DLGAP1: variants seen among roughly 807,000 people sequenced by gnomAD.
DLGAP1 encodes the protein DLG associated protein 1.
Under a neutral mutation model 90.8 loss-of-function variants are expected in DLGAP1, and 11 were observed. The ratio of observed to expected loss-of-function variants is 0.12; its 90% CI spans 0.08 to 0.20. DLGAP1 has a LOEUF of 0.20. DLGAP1 is among the 10% of genes least tolerant of loss of function. DLGAP1 has a pLI of 1.00. For synonymous variants in DLGAP1, 558 were observed against 540.7 expected, an observed-to-expected ratio of 1.03 and a Z score of -0.44; for missense variants, 1,050 against 1,333.8, an observed-to-expected ratio of 0.79 and a Z score of 3.31.
At chr18:3,769,849 G>T (rs984462503) in intron 5 of DLGAP1, among the ~76,000 whole-genome samples, 1 of 109,268 alleles carries the variant, frequency 9.2e-6, no homozygotes, top group Non-Finnish European at 2.3e-5. Flanking sequence ...CACGGTGGGT[G>T]GGGGGGGAAA....
At chr18:4,025,808 A>G (rs1441207947) in intron 2 of DLGAP1, among the ~76,000 whole-genome samples, 1 of 152,204 alleles carries the variant, frequency 6.6e-6, no homozygotes, top group Non-Finnish European at 1.5e-5. Context: ...GTTTTACATG[A>G]CTGCTAAGGG....
At chr18:3,536,720 C>T (rs1451135572) in intron 9 of DLGAP1, among the ~76,000 whole-genome samples, 1 of 152,152 alleles carries the variant, frequency 6.6e-6, no homozygotes, top group Non-Finnish European at 1.5e-5. Context: ...TGATGAAAGA[C>T]ACCTTGTTCA....
chr18:3,920,089 T>C (rs1440817656), intron 3 of DLGAP1, among the ~76,000 whole-genome samples: 1 of 152,154 alleles, frequency 6.6e-6, no homozygotes, highest in Non-Finnish European at 1.5e-5. Context: ...ATGCCTGTAA[T>C]CCTAGCACTT....
chr18:4,298,637 A>G (rs1490389632), intron 1 of DLGAP1, among the ~76,000 whole-genome samples: 4 of 150,556 alleles, frequency 2.7e-5, no homozygotes, highest in East Asian at 4.0e-4. Flanking sequence ...GTGGGGGGAA[A>G]GGGGAGGGAA....
chr18:3,702,073 C>T (rs994939355), intron 7 of DLGAP1, among the ~76,000 whole-genome samples: 2 of 152,150 alleles, frequency 1.3e-5, no homozygotes, highest in Admixed American at 1.3e-4. Context: ...ACTTTTGAGA[C>T]AGAGTCTCAT....
At chr18:3,553,130 C>T (rs940553003) in intron 9 of DLGAP1, among the ~76,000 whole-genome samples, 8 of 151,992 alleles carry the variant, frequency 5.3e-5, no homozygotes, top group Admixed American at 2.0e-4. Context: ...GTTGATAATC[C>T]GGCAGAAGGA....
chr18:4,225,606 C>T (rs2078170260), intron 1 of DLGAP1, among the ~76,000 whole-genome samples: 1 of 151,730 alleles, frequency 6.6e-6, no homozygotes, highest in South Asian at 2.1e-4. Flanking sequence ...AACAAAAATA[C>T]TTAAATTATT....
intron 1 of DLGAP1, among the ~76,000 whole-genome samples, chr18:4,354,460 G>A (rs1271464085): frequency 2.6e-5 from 4 of 152,092 alleles, no homozygotes; most frequent in East Asian, 1.9e-4. Context: ...CTTTTTGTCC[G>A]ATCACATTTC....
rs1476962518 is a variant in DLGAP1 at position 4,084,021 on chromosome 18, T to A, written c.-159+67159A>T. ...ATGAGTGCAAGGTTTTATTGAGTGG[T>A]GGAAGTAGCTCCAGAAGATGGATGG... is the stretch of plus-strand genomic sequence containing the variant. On this transcript the variant is annotated intron_variant, in intron 2 of 12. Transcript: ENST00000315677. This position sits in a 1 kb window ranked among gnomAD's most constrained non-coding sequence, Gnocchi z 4.0. Among the ~76,000 whole-genome samples, 1 of 152,062 alleles carries A rather than the reference T, an allele frequency of 6.6e-6. No individual in the cohort carries two copies. Among genetic ancestry groups the A allele is most frequent in the Non-Finnish European group, 1.5e-5 (1 of 68,014 alleles).
intron 10 of DLGAP1, among the ~76,000 whole-genome samples, chr18:3,525,602 T>C (rs1007668530): frequency 6.6e-6 from 1 of 152,180 alleles, no homozygotes; most frequent in African/African-American, 2.4e-5. Context: ...GTTTCAACCA[T>C]GTTGGCCAGG....
At chr18:4,272,152 C>T (rs1421072040) in intron 1 of DLGAP1, among the ~76,000 whole-genome samples, 5 of 152,202 alleles carry the variant, frequency 3.3e-5, no homozygotes, top group African/African-American at 4.8e-5. Context: ...TGGTGTATTG[C>T]GTAAGAAATA....
chr18:3,527,414 T>TTTTTC (rs2051706942), intron 10 of DLGAP1, among the ~76,000 whole-genome samples: 1 of 145,932 alleles, frequency 6.9e-6, no homozygotes, highest in Admixed American at 6.9e-5. Flanking sequence ...TCCAAACTTT[T>TTTTTC]TTTTTTTTTT....
chr18:4,281,686 T>G (rs1262782262), intron 1 of DLGAP1, among the ~76,000 whole-genome samples: 1 of 152,214 alleles, frequency 6.6e-6, no homozygotes, highest in African/African-American at 2.4e-5. Context: ...TAGCCACTTT[T>G]CTGTAGGGTC....
chr18:4,397,896 G>GA (rs1265605735), intron 1 of DLGAP1, among the ~76,000 whole-genome samples: 1 of 151,906 alleles, frequency 6.6e-6, no homozygotes, highest in Non-Finnish European at 1.5e-5. Context: ...GTTTATGAGT[G>GA]AAAAAAAGGT....
chr18:3,881,009 A>C (rs554690569), intron 3 of DLGAP1, among the ~76,000 whole-genome samples: 166 of 151,786 alleles, frequency 1.1e-3, no homozygotes, highest in African/African-American at 3.8e-3. Flanking sequence ...TTAAAAAAAA[A>C]CCAAATTGTT....
At chr18:4,078,997 T>C (rs937764404) in intron 2 of DLGAP1, among the ~76,000 whole-genome samples, 20 of 152,166 alleles carry the variant, frequency 1.3e-4, no homozygotes, top group African/African-American at 4.6e-4. Flanking sequence ...TCATAACCCT[T>C]AGATGAAGAA....
chr18:3,586,435 C>T (rs530580871), intron 7 of DLGAP1, among the ~76,000 whole-genome samples: 298 of 151,848 alleles, frequency 2.0e-3, no homozygotes, highest in African/African-American at 6.9e-3. Context: ...CTGCAGTGAG[C>T]GGCACTGTCC....
intron 4 of DLGAP1, among the ~76,000 whole-genome samples, chr18:3,850,061 G>C (rs1025300795): frequency 3.9e-5 from 6 of 152,148 alleles, no homozygotes; most frequent in Admixed American, 3.9e-4. Flanking sequence ...ATTCTGCTTA[G>C]AAAATTAGCA....
chr18:3,932,617 G>C (rs1454595182), intron 3 of DLGAP1, among the ~76,000 whole-genome samples: 1 of 152,138 alleles, frequency 6.6e-6, no homozygotes, highest in East Asian at 1.9e-4. Flanking sequence ...GCAAGGACAG[G>C]GCTACATTTG....
Sources: allele counts gnomAD v4.1 joint callset (sites outside exome capture counted in the v4.1 genomes callset), GRCh38; gene constraint gnomAD v4.1.1; non-coding constraint Gnocchi (gnomAD v3.1); transcripts MANE v1.5; gene names NCBI Gene and HGNC (gene_info 2026-07-23, HGNC 2026-07-21).